Variants in WDR20 observed in about 807,000 individuals in gnomAD.
WDR20 encodes WD repeat domain 20, also known as WD repeat-containing protein 20.
WDR20 carries 3 observed loss-of-function variants against 38.7 expected under a neutral mutation model. That is an observed-to-expected ratio of 0.08 (90% CI 0.04 to 0.20). WDR20 has a LOEUF of 0.20. Among genes scored for constraint, WDR20 ranks in the 10% least tolerant of loss-of-function variants. WDR20 has a pLI of 1.00. For synonymous variants in WDR20, 298 were observed against 285.6 expected (o/e 1.04, Z -0.44); for missense variants, 559 against 727.7 (o/e 0.77, Z 2.67).
In WDR20 at chr14:102,222,924, TC is replaced by T. The variant is rs776553631; in HGVS notation, c.*42del. 2 of 1,612,728 alleles carry T rather than the reference TC, an allele frequency of 1.2e-6. No homozygotes were observed. Among genetic ancestry groups the T allele is most frequent in the Non-Finnish European group, 1.7e-6 (2 of 1,179,128 alleles). ...GCGCACAGTCTCCCGGGACTTGGAC[TC>T]GAGGGAGTGACGAGGAGGAGCTCCG... On this transcript the variant is annotated 3_prime_UTR_variant, in exon 4 of 4. Coordinates refer to the WDR20 transcript ENST00000335263. This position sits in a 1 kb window ranked among gnomAD's most constrained non-coding sequence, Gnocchi z 4.4.
In WDR20 at chr14:102,207,222, C is replaced by T. The variant is rs768157382; in HGVS notation, c.433-1381C>T. ...AGCCCTGGGCCCGCATGCTGTGTGG[C>T]GTTCAGGCCTCCGTTCTTCCTGCCT... On this transcript the variant is annotated intron_variant, in intron 2 of 2. Transcript: ENST00000342702. The surrounding 1 kb of genome is among the most constrained non-coding windows in gnomAD (Gnocchi z 5.0). Among the ~76,000 whole-genome samples the T allele has an allele frequency of 1.8e-4, 28 of 152,378 alleles. No individual in the cohort carries two copies. The highest frequency in any genetic ancestry group is 6.0e-4 in the African/African-American group (25 of 41,590).
intron 1 of WDR20, among the ~76,000 whole-genome samples, chr14:102,181,375 G>A (rs2063338163): frequency 6.6e-6 from 1 of 152,170 alleles, no homozygotes; most frequent in African/African-American, 2.4e-5. Flanking sequence ...TGTACTTACA[G>A]TGAATGAGAT....
intron 1 of WDR20, among the ~76,000 whole-genome samples, chr14:102,156,771 C>T (rs552735901): frequency 1.1e-4 from 17 of 151,622 alleles, no homozygotes; most frequent in Non-Finnish European, 2.2e-4. Flanking sequence ...CTGAGGTGGG[C>T]GGATTATCTG....
Position 102,222,906 on chromosome 14 carries a change from G to A in WDR20, c.*23G>A. Reference sequence around the variant, plus strand: ...TAGCGACCTCACTGCTGCGCGCACAGTCTCCCGGGACTTGGACTCGAGGGA... The same window carrying A: ...TAGCGACCTCACTGCTGCGCGCACAATCTCCCGGGACTTGGACTCGAGGGA... On this transcript the variant is annotated 3_prime_UTR_variant, in exon 4 of 4. Transcript: ENST00000335263. The surrounding 1 kb of genome is among the most constrained non-coding windows in gnomAD (Gnocchi z 4.4). 1 of 1,613,854 alleles carries A rather than the reference G, an allele frequency of 6.2e-7. No individual in the cohort carries two copies. Among genetic ancestry groups the A allele is most frequent in the Non-Finnish European group, 8.5e-7 (1 of 1,179,816 alleles).
intron 1 of WDR20, among the ~76,000 whole-genome samples, chr14:102,185,759 A>AT (rs2064512615): frequency 4.0e-5 from 6 of 151,690 alleles, no homozygotes; most frequent in Admixed American, 3.9e-4. Context: ...CAGCAAAAGA[A>AT]TTATCGAGAT....
At position 102,221,078 on chromosome 14, in the gene WDR20, C is replaced by G. The variant is rs1188127037; in HGVS notation, c.1693-1752C>G. ...AGTTGTTAAACGTGCTCCCGGGAAGCTAAACTTAACACAGGACTGGTAGAG... is the reference window on the plus strand; with the variant it reads ...AGTTGTTAAACGTGCTCCCGGGAAGGTAAACTTAACACAGGACTGGTAGAG... On this transcript the variant is annotated intron_variant, in intron 3 of 3. Transcript: ENST00000335263. The surrounding 1 kb of genome is among the most constrained non-coding windows in gnomAD (Gnocchi z 4.8). Among the ~76,000 whole-genome samples, 1 of 152,230 alleles carries G rather than the reference C, an allele frequency of 6.6e-6. No homozygotes were observed. Among genetic ancestry groups the G allele is most frequent in the African/African-American group, 2.4e-5 (1 of 41,468 alleles).
chr14:102,199,299 A>G (rs919368722), intron 2 of WDR20, among the ~76,000 whole-genome samples: 4 of 151,936 alleles, frequency 2.6e-5, no homozygotes, highest in African/African-American at 9.7e-5. Context: ...GAGTGAGTTC[A>G]GGCAGGGTGT....
downstream of WDR20, among the ~76,000 whole-genome samples, chr14:102,211,426 C>T (rs144704537): frequency 1.5e-3 from 221 of 152,264 alleles, 3 homozygotes; most frequent in African/African-American, 5.1e-3. The surrounding 1 kb of genome is among the most constrained non-coding windows in gnomAD (Gnocchi z 4.2). Flanking sequence ...TTCCCATCTG[C>T]AAACATGTCA....
chr14:102,190,128 G>A (rs2065957379), intron 1 of WDR20, among the ~76,000 whole-genome samples: 1 of 151,930 alleles, frequency 6.6e-6, no homozygotes. Context: ...GCTGATAAGA[G>A]CACAGCCTCA....
chr14:102,172,764 A>G (rs1170563810), intron 1 of WDR20, among the ~76,000 whole-genome samples: 4 of 144,706 alleles, frequency 2.8e-5, no homozygotes, highest in Non-Finnish European at 1.5e-5. Context: ...GACGCTCCTC[A>G]CTTCCCAGAC....
rs113008541 is a variant in WDR20, at chr14:102,168,483, G to A, written c.250-26455G>A. Among the ~76,000 whole-genome samples the A allele has an allele frequency of 3.0e-3, 456 of 152,080 alleles. 4 individuals are homozygous for A. Among genetic ancestry groups the A allele is most frequent in the Admixed American group, 6.4e-3 (97 of 15,266 alleles). On this transcript the variant is annotated intron_variant, in intron 1 of 2. Coordinates refer to ENST00000342702, the MANE Select transcript of WDR20 (RefSeq NM_144574.4). ...TTAGGTCCCTAGTACCGAGTATTAT[G>A]CCTGGCACGGTGTAGGTGCTCAGTA...
At position 102,208,669 on chromosome 14, in the gene WDR20, G is replaced by A. The variant is rs375753487; in HGVS notation, c.499G>A (p.Val167Ile). ...WVPGSESLFL[V>I]AHSSGNMYLY... ...TCCCGGTTCGGAAAGCCTTTTCCTA[G>A]TAGCCCACTCGAGTGGGAACATGTA... The change falls in exon 3 of 3, where the codon GTA (valine) becomes ATA (isoleucine). Residue 167 changes from valine (V) to isoleucine (I), a missense_variant. Val to Ile is a conservative substitution (Grantham distance 29). Coordinates refer to ENST00000342702, the MANE Select transcript of WDR20 (RefSeq NM_144574.4). This position sits in a 1 kb window ranked among gnomAD's most constrained non-coding sequence, Gnocchi z 5.6. 2.8e-5 allele frequency: 45 copies of A among 1,613,738 alleles called. No individual in the cohort carries two copies. The highest frequency in any genetic ancestry group is 5.3e-5 in the African/African-American group (4 of 74,920).
At position 102,176,916 on chromosome 14, in the gene WDR20, T is replaced by A. The variant is rs531030657; in HGVS notation, c.250-18022T>A. Among the ~76,000 whole-genome samples the A allele has an allele frequency of 1.4e-4, 22 of 152,226 alleles. No individual in the cohort carries two copies. In the East Asian group the frequency reaches 3.7e-3, roughly 25 times the overall value. On this transcript the variant is annotated intron_variant, in intron 1 of 2. Transcript: ENST00000342702. ...GCTAATTATTTGTATTATTATTATT[T>A]TTTTTAGTAGAGATTGGGTCAGGCT...
downstream of WDR20, chr14:102,213,438 T>C: frequency 1.0e-6 from 1 of 985,472 alleles, no homozygotes; most frequent in Non-Finnish European, 1.2e-6. Context: ...AGTGTTTTCC[T>C]GTGAACCCTT....
intron 1 of WDR20, among the ~76,000 whole-genome samples, chr14:102,168,569 T>A (rs979687604): frequency 6.6e-6 from 1 of 152,186 alleles, no homozygotes; most frequent in African/African-American, 2.4e-5. Context: ...GCTTCCCAGT[T>A]TGGTATGTAG....
At chr14:102,196,637 G>C (rs2059450525) in intron 2 of WDR20, among the ~76,000 whole-genome samples, 1 of 151,898 alleles carries the variant, frequency 6.6e-6, no homozygotes, top group African/African-American at 2.4e-5. Flanking sequence ...GAACAAGAAA[G>C]TTTTGTGTGT....
intron 2 of WDR20, among the ~76,000 whole-genome samples, chr14:102,198,665 C>G (rs976204536): frequency 6.6e-6 from 1 of 152,152 alleles, no homozygotes; most frequent in Non-Finnish European, 1.5e-5. Context: ...ACGGCCTGAT[C>G]CAGATTTGTT....
chr14:102,193,346 C>T (rs2058854777), intron 1 of WDR20: 1 of 1,063,836 alleles, frequency 9.4e-7, no homozygotes, highest in Non-Finnish European at 1.4e-6. Context: ...GGCCGCTCCC[C>T]TCCACTGGCC....
chr14:102,161,113 C>A (rs2058551301), intron 1 of WDR20, among the ~76,000 whole-genome samples: 1 of 57,432 alleles, frequency 1.7e-5, no homozygotes, highest in Non-Finnish European at 3.3e-5. Flanking sequence ...TGGGTCAAAG[C>A]ATAACTGCAT....
Sources: gnomAD v4.1 joint callset for allele counts (sites outside exome capture counted in the v4.1 genomes callset) on GRCh38, gnomAD v4.1.1 for gene constraint, Gnocchi (gnomAD v3.1) non-coding constraint, MANE v1.5 for transcripts, NCBI Gene and HGNC (gene_info 2026-07-23, HGNC 2026-07-21) for gene names.